COL24A1: variants seen among roughly 807,000 people sequenced by gnomAD.
COL24A1 encodes the protein collagen alpha-1(XXIV) chain.
In COL24A1, 224 loss-of-function variants were observed where a neutral mutation model predicts 253.9. The observed-to-expected ratio is 0.88, with a 90% CI of 0.79 to 0.99. COL24A1 has a LOEUF of 0.99. Ranked by LOEUF, COL24A1 falls within the 50% of genes least tolerant of loss-of-function variation. The probability of loss-of-function intolerance (pLI) is 0.00; values close to 1 mark genes in which losing one functional copy is unlikely to be tolerated. For missense variants in COL24A1, 2,131 were observed against 2,068.5 expected (o/e 1.03, Z -0.59); for synonymous variants, 685 against 673.7 (o/e 1.02, Z -0.26).
At chr1:85,899,229 AAAG>A (rs1311812696) in intron 28 of COL24A1, among the ~76,000 whole-genome samples, 2 of 152,180 alleles carry the variant, frequency 1.3e-5, no homozygotes, top group African/African-American at 4.8e-5. Context: ...TTGAGTAACA[AAAG>A]AAGAAGGCCA....
intron 35 of COL24A1, among the ~76,000 whole-genome samples, chr1:85,870,895 C>T (rs999248737): frequency 3.9e-5 from 6 of 151,994 alleles, no homozygotes; most frequent in African/African-American, 1.4e-4. Flanking sequence ...TTCAAAAAAT[C>T]AATGAATCCA....
At chr1:85,989,292 A>G (rs1694009336) in intron 19 of COL24A1, among the ~76,000 whole-genome samples, 1 of 152,024 alleles carries the variant, frequency 6.6e-6, no homozygotes, top group South Asian at 2.1e-4. Flanking sequence ...CAAGCCAAAA[A>G]TCTGTATAAC....
At chr1:86,005,755 T>C (rs1695891810) in intron 19 of COL24A1, among the ~76,000 whole-genome samples, 1 of 151,886 alleles carries the variant, frequency 6.6e-6, no homozygotes, top group Non-Finnish European at 1.5e-5. Context: ...CCATACAGAT[T>C]GAGAACAAAA....
At chr1:85,975,154 T>G (rs953113513) in intron 20 of COL24A1, among the ~76,000 whole-genome samples, 2 of 152,114 alleles carry the variant, frequency 1.3e-5, no homozygotes, top group Admixed American at 1.3e-4. Flanking sequence ...GAAAGGGTGA[T>G]TTATTGGTGG....
intron 32 of COL24A1, among the ~76,000 whole-genome samples, chr1:85,886,146 G>GT (rs1245976963): frequency 6.6e-6 from 1 of 151,690 alleles, no homozygotes; most frequent in Non-Finnish European, 1.5e-5. Flanking sequence ...TGCCTCCTGG[G>GT]TTAAAGCAAT....
At chr1:85,911,787 A>G (rs1685394839) in intron 24 of COL24A1, among the ~76,000 whole-genome samples, 1 of 152,074 alleles carries the variant, frequency 6.6e-6, no homozygotes, top group South Asian at 2.1e-4. Context: ...TTAAGAAATC[A>G]TTTCTGTAAC....
intron 3 of COL24A1, among the ~76,000 whole-genome samples, chr1:86,123,392 T>C (rs1647692526): frequency 6.6e-6 from 1 of 152,050 alleles, no homozygotes; most frequent in African/African-American, 2.4e-5. Flanking sequence ...TTTGCATCTC[T>C]CTGCAGCATT....
intron 7 of COL24A1, among the ~76,000 whole-genome samples, chr1:86,086,546 C>T (rs1198125115): frequency 2.6e-5 from 4 of 152,068 alleles, no homozygotes; most frequent in African/African-American, 9.7e-5. Flanking sequence ...ATATATCCCA[C>T]CAAAACAACA....
intron 24 of COL24A1, among the ~76,000 whole-genome samples, chr1:85,925,311 G>A (rs939630804): frequency 6.6e-6 from 1 of 152,206 alleles, no homozygotes. Flanking sequence ...TCACGGAATT[G>A]GAAAAAACTA....
intron 7 of COL24A1, among the ~76,000 whole-genome samples, chr1:86,066,414 T>C (rs1379241937): frequency 4.0e-5 from 6 of 151,652 alleles, no homozygotes; most frequent in East Asian, 2.0e-4. Context: ...ATTTTTTTTT[T>C]CCTGTATTTT....
intron 7 of COL24A1, among the ~76,000 whole-genome samples, chr1:86,084,473 A>G (rs183217418): frequency 5.4e-4 from 82 of 152,282 alleles, no homozygotes; most frequent in African/African-American, 1.9e-3. Context: ...ATTTCTCACA[A>G]TATTGACTTG....
At chr1:85,832,240 T>G (rs1031567272) in intron 43 of COL24A1, among the ~76,000 whole-genome samples, 1 of 152,070 alleles carries the variant, frequency 6.6e-6, no homozygotes, top group South Asian at 2.1e-4. Context: ...TGGTTGTAGA[T>G]ATGTGGCATT....
chr1:86,055,065 C>G (rs552415188), intron 10 of COL24A1, among the ~76,000 whole-genome samples: 1 of 152,280 alleles, frequency 6.6e-6, no homozygotes, highest in East Asian at 1.9e-4. Flanking sequence ...ACTGCATGTT[C>G]TCACTTATAA....
chr1:86,036,793 C>T (rs1229561322), intron 12 of COL24A1, among the ~76,000 whole-genome samples: 1 of 152,070 alleles, frequency 6.6e-6, no homozygotes, highest in Non-Finnish European at 1.5e-5. Flanking sequence ...ATTTCTTTCT[C>T]CAGTTGAAAG....
intron 51 of COL24A1, 146 bp downstream of exon 51, chr1:85,783,350 G>T: frequency 7.0e-6 from 4 of 574,750 alleles, no homozygotes; most frequent in Non-Finnish European, 1.2e-5. Flanking sequence ...GCAAAAGATT[G>T]AATTCTGCAT....
intron 37 of COL24A1, among the ~76,000 whole-genome samples, chr1:85,863,572 G>A (rs555109504): frequency 1.1e-4 from 16 of 152,242 alleles, no homozygotes; most frequent in South Asian, 4.2e-4. Context: ...AAACTAAAGA[G>A]CTTCTGCACA....
In COL24A1 at chr1:85,743,985, C is replaced by G. The variant is rs116063210; in HGVS notation, c.4672+681G>C. On this transcript the variant is annotated intron_variant, in intron 57 of 59. Coordinates refer to ENST00000370571, the MANE Select transcript of COL24A1 (RefSeq NM_152890.7). Reference sequence around the variant, plus strand: ...ACAGAATAACATAACATAGCTTTTTCAAATCAGCATTTTTCACATCAGCAC... The same window carrying G: ...ACAGAATAACATAACATAGCTTTTTGAAATCAGCATTTTTCACATCAGCAC... Among the ~76,000 whole-genome samples the G allele has an allele frequency of 3.6e-3, 550 of 152,050 alleles. 2 individuals carry two copies. Among genetic ancestry groups the G allele is most frequent in the African/African-American group, 0.012 (481 of 41,516 alleles).
At chr1:85,794,571 T>C (rs772762615) in intron 47 of COL24A1, among the ~76,000 whole-genome samples, 1 of 152,224 alleles carries the variant, frequency 6.6e-6, no homozygotes, top group African/African-American at 2.4e-5. Flanking sequence ...CAGAGTGTTC[T>C]GTTCAACGTT....
intron 24 of COL24A1, among the ~76,000 whole-genome samples, chr1:85,952,797 C>T (rs774493516): frequency 3.3e-5 from 5 of 152,132 alleles, no homozygotes; most frequent in Non-Finnish European, 5.9e-5. Context: ...ATATATACTC[C>T]CTGGCCCTTT....
Sources: gnomAD v4.1 joint callset for allele counts (sites outside exome capture counted in the v4.1 genomes callset) on GRCh38, gnomAD v4.1.1 for gene constraint, MANE v1.5 for transcripts, NCBI Gene and HGNC (gene_info 2026-07-23, HGNC 2026-07-21) for gene names.